The following MTMR12 variants were observed in gnomAD, a reference collection of about 807,000 sequenced individuals.
MTMR12 encodes the protein myotubularin-related protein 12.
MTMR12 carries 33 observed loss-of-function variants against 96.7 expected under a neutral mutation model. That is an observed-to-expected ratio of 0.34 (90% CI 0.26 to 0.46). The LOEUF is 0.46. Ranked by LOEUF, MTMR12 falls within the 20% of genes least tolerant of loss-of-function variation. MTMR12 has a pLI of 1.00. For missense variants in MTMR12, 721 were observed against 896.1 expected (o/e 0.80, Z 2.49); for synonymous variants, 298 against 327.2 (o/e 0.91, Z 0.96).
At chr5:32,281,106 GATGCGGCAGC>G (rs1222819766) in intron 1 of MTMR12, among the ~76,000 whole-genome samples, 1 of 151,732 alleles carries the variant, frequency 6.6e-6, no homozygotes, top group African/African-American at 2.4e-5. Flanking sequence ...AAATTGGCAG[GATGCGGCAGC>G]ATGTGCCTGT....
At position 32,312,783 on chromosome 5, in the gene MTMR12, G is replaced by T. The variant is rs757684476; in HGVS notation, c.56C>A (p.Ser19Tyr). The T allele has an allele frequency of 7.2e-6, 11 of 1,532,518 alleles. No individual in the cohort carries two copies. The highest frequency in any genetic ancestry group is 1.4e-5 in the African/African-American group (1 of 69,746). The allele number at this position is 1,532,518 out of a possible 1,614,324, so 94.9% of individuals were successfully genotyped here. A position where few individuals can be genotyped will look rare whatever the true frequency, so the allele number is the denominator to read the frequency against. Residue 19 changes from serine to tyrosine, a missense_variant, in exon 1 of 16, where the codon TCC becomes TAC. Coordinates refer to ENST00000382142, the MANE Select transcript of MTMR12 (RefSeq NM_001040446.3). The surrounding 1 kb of genome is among the most constrained non-coding windows in gnomAD (Gnocchi z 5.0). The part of the protein sequence containing the change: ...GGGGTKAPKP[S>Y]FVSYVRPEEI... ...CTCAGGGCGTACGTACGACACGAAG[G>T]AGGGCTTGGGGGCCTTGGTGCCGCC...
At chr5:32,254,679 C>T (rs1280575840) in intron 8 of MTMR12, among the ~76,000 whole-genome samples, 1 of 151,974 alleles carries the variant, frequency 6.6e-6, no homozygotes, top group Non-Finnish European at 1.5e-5. Context: ...CCCGTCTCTA[C>T]TAAAAACACA....
At chr5:32,281,702 C>T (rs1438143712) in intron 1 of MTMR12, among the ~76,000 whole-genome samples, 1 of 151,724 alleles carries the variant, frequency 6.6e-6, no homozygotes, top group African/African-American at 2.4e-5. Context: ...GAGTTCGAGA[C>T]CAGCCTGACC....
rs1491504881 is a variant in MTMR12, at chr5:32,233,471, CAA to C, written c.1674+300_1674+301del. On this transcript the variant is annotated intron_variant, in intron 15 of 15. Transcript: ENST00000382142. The surrounding 1 kb of genome is among the most constrained non-coding windows in gnomAD (Gnocchi z 5.0). ...TACTCTACTAACACACACACACACACAAACACACACACACACACACACACACA... is the reference window on the plus strand; with the variant it reads ...TACTCTACTAACACACACACACACACACACACACACACACACACACACACA... Among the ~76,000 whole-genome samples the C allele has an allele frequency of 0.037, 4,889 of 131,482 alleles. 149 individuals are homozygous for C. The highest frequency in any genetic ancestry group is 0.084 in the African/African-American group (3,116 of 37,128). 86.3% of individuals were successfully genotyped at this position (131,482 alleles called of 152,430 possible). A position where few individuals can be genotyped will look rare whatever the true frequency, so the allele number is the denominator to read the frequency against.
chr5:32,254,669 C>T (rs1749071228), intron 8 of MTMR12, among the ~76,000 whole-genome samples: 1 of 151,912 alleles, frequency 6.6e-6, no homozygotes, highest in Non-Finnish European at 1.5e-5. Context: ...ATGGCGAAAC[C>T]CCGTCTCTAC....
At chr5:32,235,495 C>A (rs1181832196) in intron 13 of MTMR12, among the ~76,000 whole-genome samples, 3 of 152,070 alleles carry the variant, frequency 2.0e-5, no homozygotes, top group Non-Finnish European at 2.9e-5. Context: ...ATTAGTAGTA[C>A]TGTATTACCA....
In MTMR12 at chr5:32,248,804, G is replaced by A; in HGVS notation, c.864C>T (p.Gly288=). The change falls in exon 9 of 16, where the codon GGC becomes GGT. Residue 288 remains glycine (G), a synonymous_variant. Coordinates refer to ENST00000382142, the MANE Select transcript of MTMR12 (RefSeq NM_001040446.3). Reference sequence around the variant, plus strand: ...AGAAGCTCTTTTGGATTTGTAAAATGCCGTCATCCTGTTCTTTGGGCAGTG... The same window carrying A: ...AGAAGCTCTTTTGGATTTGTAAAATACCGTCATCCTGTTCTTTGGGCAGTG... ...MSALPKEQDD[G]ILQIQKSFLD... 2.5e-6 allele frequency: 4 copies of A among 1,614,104 alleles called. No individual in the cohort carries two copies. The highest frequency in any genetic ancestry group is 3.4e-6 in the Non-Finnish European group (4 of 1,179,964).
intron 3 of MTMR12, among the ~76,000 whole-genome samples, 169 bp from the exon 4 acceptor site, chr5:32,272,074 G>A (rs574517793): frequency 6.6e-6 from 1 of 152,066 alleles, no homozygotes; most frequent in African/African-American, 2.4e-5. Flanking sequence ...GGCGGATCAC[G>A]AGGTCAGGAG....
At chr5:32,255,828 C>T in intron 7 of MTMR12, 60 bp from the exon 8 acceptor site, 3 of 1,420,440 alleles carry the variant, frequency 2.1e-6, no homozygotes, top group South Asian at 2.5e-5. Flanking sequence ...AATATGAAAG[C>T]TCAACTTCAA....
intron 3 of MTMR12, among the ~76,000 whole-genome samples, chr5:32,273,130 C>A (rs1009873002): frequency 6.6e-6 from 1 of 151,432 alleles, no homozygotes; most frequent in African/African-American, 2.5e-5. Flanking sequence ...CCGGGTGAGG[C>A]GGCTCATGTC....
At chr5:32,303,048 T>C (rs1052214064) in intron 1 of MTMR12, among the ~76,000 whole-genome samples, 10 of 152,218 alleles carry the variant, frequency 6.6e-5, no homozygotes, top group Non-Finnish European at 1.5e-4. Flanking sequence ...TTAAGATTAA[T>C]GATTAAGCAC....
chr5:32,284,076 T>TGGACC (rs747856731), intron 1 of MTMR12, among the ~76,000 whole-genome samples: 5 of 152,044 alleles, frequency 3.3e-5, no homozygotes, highest in Non-Finnish European at 5.9e-5. Context: ...CCAAGGTGGA[T>TGGACC]GGACCGGATC....
intron 1 of MTMR12, among the ~76,000 whole-genome samples, chr5:32,294,836 A>G (rs147500354): frequency 6.6e-6 from 1 of 152,250 alleles, no homozygotes; most frequent in Admixed American, 6.5e-5. Context: ...AATCCTATGC[A>G]TAGCTCTTGT....
rs1343762768 is a variant in MTMR12 at position 32,312,437 on chromosome 5, G to T, written c.81+321C>A. ...CCGACCCACGGCCCTACCCCTCCCA[G>T]CAGTGCCCACAACCCCAGGTCCTCT... is the stretch of plus-strand genomic sequence containing the variant. On this transcript the variant is annotated intron_variant, in intron 1 of 15. Coordinates refer to ENST00000382142, the MANE Select transcript of MTMR12 (RefSeq NM_001040446.3). The surrounding 1 kb of genome is among the most constrained non-coding windows in gnomAD (Gnocchi z 5.0). 6.6e-6 allele frequency among the ~76,000 whole-genome samples: 1 copy of T among 152,206 alleles called. No homozygotes were observed. The highest frequency in any genetic ancestry group is 1.5e-5 in the Non-Finnish European group (1 of 68,014).
Position 32,308,608 on chromosome 5 carries a change from C to CT in MTMR12, c.81+4149dup, listed in dbSNP as rs796324515. Among the ~76,000 whole-genome samples, 331 of 147,264 alleles carry CT rather than the reference C, an allele frequency of 2.2e-3. 1 individual carries two copies. The highest frequency in any genetic ancestry group is 6.0e-3 in the African/African-American group (244 of 40,350). On this transcript the variant is annotated intron_variant, in intron 1 of 15. Coordinates refer to ENST00000382142, the MANE Select transcript of MTMR12 (RefSeq NM_001040446.3). The stretch of plus-strand genomic sequence containing the variant: ...TCTCACCCCTTCCTACCTTTATCTT[C>CT]TTTTTTTTTTTGAGATGGAGTCTCA...
At chr5:32,253,227 G>A (rs2112033521) in intron 8 of MTMR12, among the ~76,000 whole-genome samples, 1 of 152,246 alleles carries the variant, frequency 6.6e-6, no homozygotes, top group East Asian at 1.9e-4. Flanking sequence ...GAATTATCTG[G>A]CCTAAAATGT....
intron 7 of MTMR12, among the ~76,000 whole-genome samples, chr5:32,262,336 C>T (rs943822722): frequency 1.3e-5 from 2 of 152,156 alleles, no homozygotes; most frequent in African/African-American, 4.8e-5. Context: ...CATGATGGCT[C>T]ATGCCTGTAA....
chr5:32,290,443 G>A (rs903604009), intron 1 of MTMR12, among the ~76,000 whole-genome samples: 11 of 152,272 alleles, frequency 7.2e-5, no homozygotes, highest in African/African-American at 2.2e-4. Context: ...TTAGGGGTTC[G>A]GTGGTGTGCG....
intron 1 of MTMR12, among the ~76,000 whole-genome samples, chr5:32,298,274 G>C (rs554829641): frequency 1.3e-5 from 2 of 152,300 alleles, no homozygotes; most frequent in Non-Finnish European, 2.9e-5. Flanking sequence ...AACACAGACG[G>C]ATCACCACAG....
Sources: allele counts gnomAD v4.1 joint callset (sites outside exome capture counted in the v4.1 genomes callset), GRCh38; gene constraint gnomAD v4.1.1; non-coding constraint Gnocchi (gnomAD v3.1); transcripts MANE v1.5; gene names NCBI Gene and HGNC (gene_info 2026-07-23, HGNC 2026-07-21).